Variants in MTMR7 observed in about 807,000 individuals in gnomAD.
MTMR7 encodes myotubularin related protein 7.
In MTMR7, 76 loss-of-function variants were observed where a neutral mutation model predicts 81.2. The observed-to-expected ratio is 0.94, with a 90% confidence interval of 0.78 to 1.13. MTMR7 has a LOEUF of 1.13. Ranked by LOEUF, MTMR7 falls within the 50% of genes most tolerant of loss-of-function variation. The pLI is 0.00. For missense variants in MTMR7, 1,044 were observed against 820.0 expected (o/e 1.27, Z -3.34); for synonymous variants, 372 against 289.8 (o/e 1.28, Z -2.88).
At chr8:17,363,280 G>A (rs905222652) in intron 3 of MTMR7, among the ~76,000 whole-genome samples, 9 of 152,212 alleles carry the variant, frequency 5.9e-5, no homozygotes, top group African/African-American at 2.2e-4. Context: ...AACCACAAAT[G>A]CAAGTTGTTT....
rs570897206 is a variant in MTMR7 at position 17,298,317 on chromosome 8, T to G, written c.*1545A>C. On this transcript the variant is annotated 3_prime_UTR_variant, in exon 14 of 14. Coordinates refer to ENST00000180173, the MANE Select transcript of MTMR7 (RefSeq NM_004686.5). ...ACTGCTCAGCAGAGAATGCCCAAAT[T>G]TTATATTCTGAAAGAATTAATTACA... 1 of 152,100 alleles carries G rather than the reference T, an allele frequency of 6.6e-6. No homozygotes were observed. Among genetic ancestry groups the G allele is most frequent in the African/African-American group, 2.4e-5 (1 of 41,446 alleles). 9.4% of individuals were successfully genotyped at this position (152,100 alleles called of 1,614,324 possible).
At chr8:17,379,695 C>T (rs1185071539) in intron 1 of MTMR7, among the ~76,000 whole-genome samples, 1 of 151,900 alleles carries the variant, frequency 6.6e-6, no homozygotes. Context: ...AGAAGAAAAT[C>T]ACCCCTAGGA....
chr8:17,341,586 T>G (rs945756228), intron 5 of MTMR7, 89 bp from the exon 6 acceptor site: 3 of 1,471,098 alleles, frequency 2.0e-6, no homozygotes, highest in African/African-American at 1.4e-5. Flanking sequence ...CAAAGAGCCC[T>G]TGGCTCACTG....
chr8:17,323,094 T>C (rs1211647570), intron 7 of MTMR7, among the ~76,000 whole-genome samples: 1 of 151,484 alleles, frequency 6.6e-6, no homozygotes, highest in Non-Finnish European at 1.5e-5. Flanking sequence ...ACTACAGGCA[T>C]ACACCACCAC....
intron 1 of MTMR7, among the ~76,000 whole-genome samples, chr8:17,409,112 A>G (rs1214599104): frequency 6.6e-6 from 1 of 152,210 alleles, no homozygotes; most frequent in Non-Finnish European, 1.5e-5. Flanking sequence ...GTAGTATTGT[A>G]TACAACTGTA....
chr8:17,402,171 C>T (rs187808757), intron 1 of MTMR7, among the ~76,000 whole-genome samples: 12 of 152,110 alleles, frequency 7.9e-5, no homozygotes, highest in Non-Finnish European at 1.6e-4. Context: ...TACAGGCATG[C>T]GTTGTGTAAT....
intron 6 of MTMR7, among the ~76,000 whole-genome samples, chr8:17,332,823 T>C (rs1204414860): frequency 6.6e-6 from 1 of 152,028 alleles, no homozygotes; most frequent in Admixed American, 6.5e-5. Flanking sequence ...AACTTATAGA[T>C]ATGTATTTAA....
At chr8:17,316,439 T>C (rs1249027541) in intron 7 of MTMR7, among the ~76,000 whole-genome samples, 3 of 148,936 alleles carry the variant, frequency 2.0e-5, no homozygotes, top group Non-Finnish European at 4.4e-5. Context: ...TGTTCCCTCC[T>C]TTTCAATATT....
intron 1 of MTMR7, among the ~76,000 whole-genome samples, chr8:17,394,664 C>G (rs1821197531): frequency 2.0e-5 from 3 of 152,106 alleles, no homozygotes; most frequent in African/African-American, 7.2e-5. Context: ...TAAATGTATA[C>G]TTTTAAATGA....
chr8:17,338,483 CCTTTT>C (rs1316702334), intron 6 of MTMR7, among the ~76,000 whole-genome samples: 1 of 152,038 alleles, frequency 6.6e-6, no homozygotes, highest in Non-Finnish European at 1.5e-5. Context: ...CTTTTCTCTT[CCTTTT>C]CTTATCTTGT....
chr8:17,305,668 G>C (rs1043287952), intron 11 of MTMR7, 89 bp downstream of exon 11: 15 of 1,175,900 alleles, frequency 1.3e-5, no homozygotes, highest in Middle Eastern at 2.0e-4. Flanking sequence ...AATGAAAAAA[G>C]TCTTCAAAAT....
intron 1 of MTMR7, among the ~76,000 whole-genome samples, chr8:17,391,182 G>A (rs1449260897): frequency 6.6e-6 from 1 of 152,120 alleles, no homozygotes; most frequent in African/African-American, 2.4e-5. Context: ...AGTAGGAGAT[G>A]AGGTGCCCAG....
chr8:17,363,504 T>C (rs1820120613), intron 3 of MTMR7, among the ~76,000 whole-genome samples: 1 of 152,234 alleles, frequency 6.6e-6, no homozygotes, highest in Non-Finnish European at 1.5e-5. Context: ...AAATTATCCA[T>C]AAATTACAGC....
chr8:17,373,575 T>C (rs1227902871), intron 1 of MTMR7, among the ~76,000 whole-genome samples: 3 of 152,240 alleles, frequency 2.0e-5, no homozygotes, highest in African/African-American at 2.4e-5. Context: ...AAGCAGAAAG[T>C]GTATGTGTTA....
chr8:17,388,920 T>C (rs1821024118), intron 1 of MTMR7, among the ~76,000 whole-genome samples: 1 of 152,226 alleles, frequency 6.6e-6, no homozygotes, highest in South Asian at 2.1e-4. Context: ...CACCATATTT[T>C]TCTCTTTCTC....
rs772465098 is a variant in MTMR7, at chr8:17,313,331, G to T, written c.936C>A (p.His312Gln). The change falls in exon 8 of 14, where the codon CAC becomes CAA. Residue 312 changes from histidine to glutamine, a missense_variant. His to Gln is a conservative substitution (Grantham distance 24, BLOSUM62 0). Transcript: ENST00000180173. Reference protein sequence around the residue: ...WGLENSGWLRHIKAIMDAGIF... With the variant: ...WGLENSGWLRQIKAIMDAGIF... ...TTCCTGCATCCATTATGGCTTTAATGTGCCTTAACCAGCCAGAGTTCTCCA... is the reference window on the plus strand; with the variant it reads ...TTCCTGCATCCATTATGGCTTTAATTTGCCTTAACCAGCCAGAGTTCTCCA... 6.2e-7 allele frequency: 1 copy of T among 1,613,210 alleles called. No homozygotes were observed. The highest frequency in any genetic ancestry group is 1.3e-5 in the African/African-American group (1 of 75,028).
chr8:17,364,576 C>T (rs964695239), intron 3 of MTMR7, among the ~76,000 whole-genome samples: 5 of 152,200 alleles, frequency 3.3e-5, no homozygotes, highest in African/African-American at 9.7e-5. Flanking sequence ...CATCTCCCCA[C>T]GTCCCCCACC....
intron 1 of MTMR7, among the ~76,000 whole-genome samples, chr8:17,406,853 G>A (rs1304614608): frequency 6.6e-6 from 1 of 152,108 alleles, no homozygotes; most frequent in Non-Finnish European, 1.5e-5. Flanking sequence ...GTGAAAAGAA[G>A]AGGTCACAAA....
intron 1 of MTMR7, among the ~76,000 whole-genome samples, chr8:17,379,650 CTTAATGT>C (rs1820699789): frequency 1.3e-5 from 2 of 152,086 alleles, no homozygotes; most frequent in Admixed American, 1.3e-4. Flanking sequence ...TACTTATTTA[CTTAATGT>C]TTAAAGATTT....
Sources: allele counts gnomAD v4.1 joint callset (sites outside exome capture counted in the v4.1 genomes callset), GRCh38; gene constraint gnomAD v4.1.1; transcripts MANE v1.5; gene names NCBI Gene and HGNC (gene_info 2026-07-23, HGNC 2026-07-21).